IL6ST: variants seen among roughly 807,000 people sequenced by gnomAD.
IL6ST encodes interleukin 6 cytokine family signal transducer, also known as interleukin-6 receptor subunit beta.
A neutral mutation model predicts 91.3 loss-of-function variants in IL6ST; 24 were observed. The ratio of observed to expected loss-of-function variants is 0.26; its 90% confidence interval spans 0.19 to 0.37. The LOEUF is 0.37. Ranked by LOEUF, IL6ST falls within the 10% of genes least tolerant of loss-of-function variation. IL6ST has a pLI of 1.00. For synonymous variants in IL6ST, 351 were observed against 373.6 expected, an observed-to-expected ratio of 0.94 and a Z score of 0.70; for missense variants, 914 against 1,078.5, an observed-to-expected ratio of 0.85 and a Z score of 2.14.
chr5:55,955,220 G>A (rs969517689), intron 10 of IL6ST, among the ~76,000 whole-genome samples: 1 of 152,162 alleles, frequency 6.6e-6, no homozygotes, highest in Non-Finnish European at 1.5e-5. Flanking sequence ...CATTTTACGA[G>A]GCCAAGGCAG....
At chr5:55,965,042 T>C (rs1752556840) in intron 5 of IL6ST, among the ~76,000 whole-genome samples, 1 of 152,128 alleles carries the variant, frequency 6.6e-6, no homozygotes, top group Admixed American at 6.5e-5. Context: ...TTTGGATTGT[T>C]TTATATAATT....
At chr5:55,948,169 G>A (rs1751393857) in intron 14 of IL6ST, among the ~76,000 whole-genome samples, 1 of 152,144 alleles carries the variant, frequency 6.6e-6, no homozygotes, top group Admixed American at 6.5e-5. Flanking sequence ...ATGGGCATGA[G>A]GAGTGGCACG....
chr5:55,946,812 T>C (rs1222825537), intron 15 of IL6ST, among the ~76,000 whole-genome samples: 29 of 145,288 alleles, frequency 2.0e-4, no homozygotes, highest in Middle Eastern at 3.4e-3. Context: ...TGAGACTCCA[T>C]CTCAAAAAAA....
intron 10 of IL6ST, 86 bp downstream of exon 10, chr5:55,955,939 T>C (rs1219894087): frequency 2.5e-6 from 2 of 786,044 alleles, no homozygotes; most frequent in Admixed American, 1.9e-5. Context: ...CAGTCTTAGA[T>C]AACTTGTGTT....
At chr5:55,974,290 CCAAA>C (rs1299274090) in intron 3 of IL6ST, among the ~76,000 whole-genome samples, 3 of 152,044 alleles carry the variant, frequency 2.0e-5, no homozygotes, top group African/African-American at 2.4e-5. Context: ...TTACTGTAGG[CCAAA>C]CACTGTCCAA....
chr5:55,980,713 A>T (rs1224945508), intron 2 of IL6ST, among the ~76,000 whole-genome samples: 1 of 152,204 alleles, frequency 6.6e-6, no homozygotes, highest in Non-Finnish European at 1.5e-5. Flanking sequence ...TAAAATTATT[A>T]AAGACAAAAT....
chr5:55,959,001 A>G (rs1752151551), intron 8 of IL6ST, among the ~76,000 whole-genome samples: 1 of 152,158 alleles, frequency 6.6e-6, no homozygotes, highest in African/African-American at 2.4e-5. Context: ...ACAGTGCAGC[A>G]CTCAAACAGA....
Position 55,941,784 on chromosome 5 carries a change from A to G in IL6ST, c.2055T>C (p.Asp685=), listed in dbSNP as rs139079826. 1.2e-6 allele frequency: 2 copies of G among 1,613,020 alleles called. No homozygotes were observed. The highest frequency in any genetic ancestry group is 2.7e-5 in the African/African-American group (2 of 74,846). Residue 685 remains aspartate, a synonymous_variant, in exon 17 of 17, where the codon GAT becomes GAC. Transcript: ENST00000381298. ...NFNSKDQMYS[D]GNFTDVSVVE... ...CAACACTTACATCAGTGAAATTGCC[A>G]TCTGAATACATTTGATCTTTTGAAT...
intron 1 of IL6ST, among the ~76,000 whole-genome samples, chr5:55,983,491 C>T (rs1207648247): frequency 1.3e-5 from 2 of 152,110 alleles, no homozygotes; most frequent in African/African-American, 4.8e-5. Flanking sequence ...AGATAAAAAT[C>T]CATTTTAAGA....
intron 1 of IL6ST, among the ~76,000 whole-genome samples, chr5:55,988,606 A>G (rs1465554233): frequency 6.6e-6 from 1 of 151,956 alleles, no homozygotes; most frequent in Non-Finnish European, 1.5e-5. Context: ...GTCTCTAATA[A>G]CAATACAAAA....
At chr5:55,994,600 G>C (rs1754539419) in intron 1 of IL6ST, among the ~76,000 whole-genome samples, 184 bp downstream of exon 1, 2 of 152,116 alleles carry the variant, frequency 1.3e-5, no homozygotes, top group African/African-American at 2.4e-5. Flanking sequence ...CAAAGTTGTG[G>C]AAGTAGAATT....
chr5:55,978,185 G>GT (rs1753427828), intron 2 of IL6ST: 1 of 152,232 alleles, frequency 6.6e-6, no homozygotes, highest in African/African-American at 2.4e-5. Flanking sequence ...AGTAGTCAGA[G>GT]TATCAGCATT....
intron 15 of IL6ST, among the ~76,000 whole-genome samples, chr5:55,945,646 T>C (rs962828875): frequency 8.3e-5 from 11 of 132,246 alleles, no homozygotes; most frequent in African/African-American, 2.2e-4. Context: ...AAAAAACTTA[T>C]GCTTTTTTTT....
intron 1 of IL6ST, among the ~76,000 whole-genome samples, chr5:55,991,117 A>G (rs912642389): frequency 2.0e-5 from 3 of 152,020 alleles, no homozygotes; most frequent in Admixed American, 1.3e-4. Context: ...TATGTGCCAC[A>G]TTTTCTTAAT....
intron 1 of IL6ST, among the ~76,000 whole-genome samples, chr5:55,988,203 G>T (rs534691226): frequency 6.6e-6 from 1 of 151,328 alleles, no homozygotes; most frequent in Non-Finnish European, 1.5e-5. Flanking sequence ...AATTAGAAGC[G>T]TTCCTATTAA....
rs144573653 is a variant in IL6ST, at chr5:55,972,730, C to T, written c.65-2875G>A. Among the ~76,000 whole-genome samples the T allele has an allele frequency of 2.8e-3, 433 of 152,112 alleles. 3 individuals carry two copies. Among genetic ancestry groups the T allele is most frequent in the African/African-American group, 9.8e-3 (405 of 41,484 alleles). ...TAGAATACACTATAACTGGGTTGGA[C>T]GCAGTGACTCACGTCTGTAATCCCA... On this transcript the variant is annotated intron_variant, in intron 3 of 16. Coordinates refer to ENST00000381298, the MANE Select transcript of IL6ST (RefSeq NM_002184.4).
At position 55,941,148 on chromosome 5, in the gene IL6ST, A is replaced by C; in HGVS notation, c.2691T>G (p.Thr897=). Reference sequence around the variant, plus strand: ...AGTAACTTTTAGGCATGCCTTCATCAGTCGCAGCCTCCATGCCAACTGTTT... The same window carrying C: ...AGTAACTTTTAGGCATGCCTTCATCCGTCGCAGCCTCCATGCCAACTGTTT... The part of the protein sequence containing the change: ...RFETVGMEAA[T]DEGMPKSYLP... Residue 897 remains threonine (T), a synonymous_variant, in exon 17 of 17, where the codon ACT becomes ACG. Transcript: ENST00000381298. The C allele has an allele frequency of 6.2e-7, 1 of 1,614,088 alleles. No homozygotes were observed. The highest frequency in any genetic ancestry group is 8.5e-7 in the Non-Finnish European group (1 of 1,179,946).
At chr5:55,992,709 T>A (rs1754401931) in intron 1 of IL6ST, among the ~76,000 whole-genome samples, 2 of 152,190 alleles carry the variant, frequency 1.3e-5, no homozygotes, top group Admixed American at 1.3e-4. Context: ...CTGTCTTCAT[T>A]TTTCCCTTTA....
chr5:55,944,660 G>A (rs759185598), intron 15 of IL6ST: 11 of 996,818 alleles, frequency 1.1e-5, no homozygotes, highest in Non-Finnish European at 1.7e-5. Context: ...GGCGCCATGA[G>A]AGCCAAGTGG....
Sources: gnomAD v4.1 joint callset for allele counts (sites outside exome capture counted in the v4.1 genomes callset) on GRCh38, gnomAD v4.1.1 for gene constraint, MANE v1.5 for transcripts, NCBI Gene and HGNC (gene_info 2026-07-23, HGNC 2026-07-21) for gene names.